Variants in WWOX observed in about 807,000 individuals in gnomAD.
WWOX encodes WW domain containing oxidoreductase.
WWOX carries 69 observed loss-of-function variants against 46.2 expected under a neutral mutation model. That is an observed-to-expected ratio of 1.49 (90% CI 1.23 to 1.82). WWOX has a LOEUF of 1.82. Ranked by LOEUF, WWOX falls within the 40% of genes most tolerant of loss-of-function variation. The pLI is 0.00. For synonymous variants in WWOX, 359 were observed against 202.6 expected (o/e 1.77, Z -6.56); for missense variants, 919 against 542.6 (o/e 1.69, Z -6.89).
At chr16:78,522,396 G>A (rs1208938269) in intron 8 of WWOX, among the ~76,000 whole-genome samples, 1 of 152,162 alleles carries the variant, frequency 6.6e-6, no homozygotes, top group Admixed American at 6.5e-5. Context: ...AAGGCACTGT[G>A]TACACGGTTC....
At chr16:78,831,978 G>C (rs139214888) in intron 8 of WWOX, among the ~76,000 whole-genome samples, 2 of 152,218 alleles carry the variant, frequency 1.3e-5, no homozygotes, top group East Asian at 3.9e-4. Flanking sequence ...CTTTTGCCTG[G>C]ATCCACTAAC....
intron 8 of WWOX, among the ~76,000 whole-genome samples, chr16:78,732,017 A>T (rs1461873049): frequency 1.3e-5 from 2 of 151,630 alleles, no homozygotes; most frequent in Admixed American, 6.6e-5. Flanking sequence ...CAGTGAATTT[A>T]AAAAAACAAA....
intron 8 of WWOX, among the ~76,000 whole-genome samples, chr16:78,887,077 G>GTGGTGTGT (rs1555559537): frequency 6.5e-5 from 4 of 61,312 alleles, no homozygotes; most frequent in African/African-American, 1.4e-4. Context: ...GTGTGTGTGT[G>GTGGTGTGT]GTGTGTGTGT....
intron 8 of WWOX, among the ~76,000 whole-genome samples, chr16:78,632,463 A>G (rs2046456648): frequency 6.6e-6 from 1 of 151,374 alleles, no homozygotes; most frequent in African/African-American, 2.4e-5. Context: ...GGTGTAGGCC[A>G]AGAAAGGGGT....
intron 8 of WWOX, among the ~76,000 whole-genome samples, chr16:79,052,192 C>CGA (rs2048181261): frequency 1.3e-5 from 2 of 151,318 alleles, no homozygotes; most frequent in Non-Finnish European, 2.9e-5. Context: ...CTCCCCCTTC[C>CGA]CCCCACCCCA....
rs566055631 is a variant in WWOX at position 79,158,970 on chromosome 16, G to C, written c.1057-52638G>C. ...TTTATTGAATAGATGAAAGAACAGTGTAAAAACCACATTGCTCTTCACTCT... is the reference window on the plus strand; with the variant it reads ...TTTATTGAATAGATGAAAGAACAGTCTAAAAACCACATTGCTCTTCACTCT... On this transcript the variant is annotated intron_variant, in intron 8 of 8. Coordinates refer to ENST00000566780, the MANE Select transcript of WWOX (RefSeq NM_016373.4). Among the ~76,000 whole-genome samples, 6 of 152,308 alleles carry C rather than the reference G, an allele frequency of 3.9e-5. No individual in the cohort carries two copies. In the South Asian group the frequency reaches 1.2e-3, roughly 32 times the overall value.
chr16:78,581,606 G>A (rs977835770), intron 8 of WWOX, among the ~76,000 whole-genome samples: 9 of 152,088 alleles, frequency 5.9e-5, no homozygotes, highest in African/African-American at 2.2e-4. Context: ...TAAATGCACT[G>A]AAACATGGAA....
intron 8 of WWOX, among the ~76,000 whole-genome samples, chr16:79,183,908 C>T (rs994431709): frequency 6.6e-6 from 1 of 152,202 alleles, no homozygotes; most frequent in Non-Finnish European, 1.5e-5. Context: ...ATACTTAGAG[C>T]TTCGAGACCT....
chr16:78,826,927 G>T (rs2051673622), intron 8 of WWOX, among the ~76,000 whole-genome samples: 1 of 152,070 alleles, frequency 6.6e-6, no homozygotes, highest in Admixed American at 6.6e-5. Flanking sequence ...CTACATGCCG[G>T]ACACCAAGCT....
chr16:78,847,495 T>A, intron 8 of WWOX, among the ~76,000 whole-genome samples: 1 of 152,128 alleles, frequency 6.6e-6, no homozygotes, highest in East Asian at 1.9e-4. Flanking sequence ...CAAACTTGTT[T>A]CTTTGTTTTT....
chr16:79,085,631 T>A (rs1442685794), intron 8 of WWOX, among the ~76,000 whole-genome samples: 1 of 152,210 alleles, frequency 6.6e-6, no homozygotes, highest in African/African-American at 2.4e-5. Flanking sequence ...GTTTCTCTAT[T>A]TTGTTTTCAA....
intron 8 of WWOX, among the ~76,000 whole-genome samples, chr16:79,104,706 G>T (rs2049272370): frequency 6.6e-6 from 1 of 152,138 alleles, no homozygotes; most frequent in Admixed American, 6.5e-5. Flanking sequence ...GTTGATCAGT[G>T]AACACAAATG....
At chr16:79,021,613 C>A (rs1351907652) in intron 8 of WWOX, among the ~76,000 whole-genome samples, 1 of 152,196 alleles carries the variant, frequency 6.6e-6, no homozygotes, top group African/African-American at 2.4e-5. Flanking sequence ...CTGCGACTCT[C>A]GCGTGATAGG....
At chr16:78,352,222 T>G (rs2081200053) in intron 5 of WWOX, among the ~76,000 whole-genome samples, 1 of 152,234 alleles carries the variant, frequency 6.6e-6, no homozygotes, top group Non-Finnish European at 1.5e-5. Context: ...CAATGTGAAA[T>G]CTCACAAATT....
intron 8 of WWOX, among the ~76,000 whole-genome samples, chr16:79,021,183 G>A (rs982287528): frequency 2.0e-5 from 3 of 152,112 alleles, no homozygotes; most frequent in Admixed American, 1.3e-4. Flanking sequence ...ACAAGGAAAC[G>A]CCATTCTGCA....
intron 8 of WWOX, among the ~76,000 whole-genome samples, chr16:78,861,565 A>G (rs2043886443): frequency 6.6e-6 from 1 of 152,206 alleles, no homozygotes; most frequent in Non-Finnish European, 1.5e-5. Flanking sequence ...CATTTTGAGT[A>G]ACTAAAAGTA....
intron 8 of WWOX, among the ~76,000 whole-genome samples, chr16:78,969,585 A>G (rs924154575): frequency 2.6e-5 from 4 of 152,186 alleles, no homozygotes; most frequent in Non-Finnish European, 4.4e-5. Flanking sequence ...TCTTTCAACT[A>G]GAACAGTTCC....
intron 8 of WWOX, among the ~76,000 whole-genome samples, chr16:79,157,450 A>T (rs2050403896): frequency 6.6e-6 from 1 of 151,894 alleles, no homozygotes; most frequent in African/African-American, 2.4e-5. Flanking sequence ...AGAAACCACA[A>T]AACCATACCT....
At chr16:78,710,492 A>ATATATATATATATATATATATATT (rs1264804916) in intron 8 of WWOX, among the ~76,000 whole-genome samples, 2 of 134,906 alleles carry the variant, frequency 1.5e-5, no homozygotes, top group African/African-American at 2.7e-5. Context: ...ATATATATAT[A>ATATATATATATATATATATATATT]TATATATTTA....
Sources: allele counts gnomAD v4.1 joint callset (sites outside exome capture counted in the v4.1 genomes callset), GRCh38; gene constraint gnomAD v4.1.1; transcripts MANE v1.5; gene names NCBI Gene and HGNC (gene_info 2026-07-23, HGNC 2026-07-21).